MTUS1: variants seen among roughly 807,000 people sequenced by gnomAD.
MTUS1 encodes microtubule associated scaffold protein 1.
In MTUS1, 109 loss-of-function variants were observed where a neutral mutation model predicts 120.8. The observed-to-expected ratio is 0.90, with a 90% CI of 0.77 to 1.06. MTUS1 has a LOEUF of 1.06. Ranked by LOEUF, MTUS1 falls within the 50% of genes least tolerant of loss-of-function variation. MTUS1 has a pLI of 0.00. For synonymous variants in MTUS1, 737 were observed against 550.5 expected (o/e 1.34, Z -4.74); for missense variants, 2,210 against 1,486.3 (o/e 1.49, Z -8.01).
At chr8:17,733,760 T>C (rs1288606616) in intron 3 of MTUS1, among the ~76,000 whole-genome samples, 2 of 152,228 alleles carry the variant, frequency 1.3e-5, no homozygotes, top group East Asian at 3.9e-4. Context: ...CCATCATTAC[T>C]GACTTTGACC....
chr8:17,655,874 A>G lies in MTUS1; in HGVS notation c.3097T>C (p.Leu1033=), dbSNP rs1808102400. 3 of 1,614,214 alleles carry G rather than the reference A, an allele frequency of 1.9e-6. No individual in the cohort carries two copies. Among genetic ancestry groups the G allele is most frequent in the East Asian group, 2.2e-5 (1 of 44,884 alleles). Residue 1033 remains leucine (L), a synonymous_variant, in exon 9 of 15, where the codon TTG becomes CTG. Coordinates refer to ENST00000693296, the MANE Select transcript of MTUS1 (RefSeq NM_001363059.2). ...IEEAEKYKMQ[L]QEQFDNLNAA... The stretch of plus-strand genomic sequence containing the variant: ...GCAAAAGCACAGACCTGCTCTTGCA[A>G]TTGCATTTTGTACTTCTCTGCTTCT...
chr8:17,674,958 GA>G, intron 8 of MTUS1: 1 of 1,278,722 alleles, frequency 7.8e-7, no homozygotes, highest in South Asian at 3.2e-5. Flanking sequence ...TTGCTCATCA[GA>G]AGTTCTGCTA....
rs562813811 is a variant in MTUS1, at chr8:17,724,644, C to T, written c.2288-811G>A. On this transcript the variant is annotated intron_variant, in intron 3 of 14. Transcript: ENST00000693296. The stretch of plus-strand genomic sequence containing the variant: ...ATACAGGCTGCGTATCCTCTGGCAT[C>T]TCTGAAACTACATTCTCCTGATGCT... Among the ~76,000 whole-genome samples the T allele has an allele frequency of 1.1e-4, 16 of 152,292 alleles. 1 individual carries two copies. In the South Asian group the frequency reaches 3.3e-3, roughly 32 times the overall value.
intron 3 of MTUS1, among the ~76,000 whole-genome samples, chr8:17,725,838 ATTC>A (rs1325877051): frequency 2.0e-5 from 3 of 152,118 alleles, no homozygotes; most frequent in Non-Finnish European, 2.9e-5. Flanking sequence ...GCCCAAGACA[ATTC>A]TTCTTCTTCC....
intron 6 of MTUS1, among the ~76,000 whole-genome samples, chr8:17,712,796 G>C (rs936979057): frequency 2.1e-4 from 2 of 9,720 alleles, no homozygotes; most frequent in African/African-American, 5.3e-4. Context: ...GCTATCTTGG[G>C]AATGTTAAGT....
At chr8:17,663,247 A>C (rs1265044844) in intron 8 of MTUS1, among the ~76,000 whole-genome samples, 1 of 152,178 alleles carries the variant, frequency 6.6e-6, no homozygotes, top group Non-Finnish European at 1.5e-5. Context: ...ATTAGTCCTC[A>C]TGGCTTTTTC....
At chr8:17,791,751 T>G (rs1450144588) in intron 1 of MTUS1, among the ~76,000 whole-genome samples, 2 of 152,134 alleles carry the variant, frequency 1.3e-5, no homozygotes, top group African/African-American at 4.8e-5. Flanking sequence ...AGCCTAGAAT[T>G]TAACTCCCAA....
chr8:17,675,939 G>C (rs771675678), intron 7 of MTUS1: 1 of 222,788 alleles, frequency 4.5e-6, no homozygotes, highest in African/African-American at 2.3e-5. Flanking sequence ...GAAGAATAAT[G>C]TTCAAGTTAC....
rs2130226519 is a variant in MTUS1, at chr8:17,654,667, C to G, written c.3109-1G>C. On this transcript the variant is annotated splice_acceptor_variant, in intron 9 of 14. Transcript: ENST00000693296. LOFTEE classifies it high-confidence loss of function. ...CATGCGCAGCATTTAAGTTGTCAAA[C>G]TGTAAGCAACAAACAAAACCGTGGT... 1 of 1,609,984 alleles carries G rather than the reference C, an allele frequency of 6.2e-7. No homozygotes were observed. The highest frequency in any genetic ancestry group is 1.3e-5 in the African/African-American group (1 of 74,972).
chr8:17,764,523 T>C (rs1334231271), intron 1 of MTUS1, among the ~76,000 whole-genome samples: 1 of 152,228 alleles, frequency 6.6e-6, no homozygotes, highest in Non-Finnish European at 1.5e-5. Context: ...CTGTTTCATC[T>C]TTATATCTTC....
chr8:17,680,613 T>C (rs1220064199), intron 7 of MTUS1, among the ~76,000 whole-genome samples: 1 of 152,102 alleles, frequency 6.6e-6, no homozygotes, highest in African/African-American at 2.4e-5. Context: ...ACTAGGAGCT[T>C]GCCATGTTTG....
intron 8 of MTUS1, among the ~76,000 whole-genome samples, chr8:17,670,744 A>T (rs1347558416): frequency 6.6e-6 from 1 of 151,916 alleles, no homozygotes; most frequent in African/African-American, 2.4e-5. Flanking sequence ...AACTGCTTGA[A>T]CCCGGAAGGC....
intron 3 of MTUS1, among the ~76,000 whole-genome samples, chr8:17,733,232 T>C (rs1054354050): frequency 5.9e-5 from 9 of 151,918 alleles, no homozygotes; most frequent in Non-Finnish European, 1.2e-4. Context: ...GCACCTACAA[T>C]CTCAGCTACT....
At chr8:17,730,193 G>C (rs993101828) in intron 3 of MTUS1, among the ~76,000 whole-genome samples, 1 of 152,118 alleles carries the variant, frequency 6.6e-6, no homozygotes, top group African/African-American at 2.4e-5. Context: ...AGATGTGAAA[G>C]CAGGCCGGGG....
chr8:17,767,522 C>A (rs1486895034), intron 1 of MTUS1, among the ~76,000 whole-genome samples: 2 of 138,396 alleles, frequency 1.4e-5, no homozygotes, highest in African/African-American at 5.2e-5. Context: ...CACAGCAAAA[C>A]CCCATCTCTT....
At chr8:17,701,947 T>C (rs1262083601) in intron 6 of MTUS1, among the ~76,000 whole-genome samples, 1 of 152,238 alleles carries the variant, frequency 6.6e-6, no homozygotes, top group African/African-American at 2.4e-5. Context: ...AACTTAAAAA[T>C]TTCACACTTA....
At chr8:17,688,985 G>T (rs1816406195) in intron 6 of MTUS1, among the ~76,000 whole-genome samples, 1 of 152,130 alleles carries the variant, frequency 6.6e-6, no homozygotes, top group African/African-American at 2.4e-5. Context: ...GCCAAGGCGG[G>T]CAGATCACAA....
At chr8:17,724,234 A>G in intron 3 of MTUS1, 1 of 372,938 alleles carries the variant, frequency 2.7e-6, no homozygotes, top group Non-Finnish European at 5.2e-6. Context: ...ATCCATTAGG[A>G]CAATAGGCTA....
intron 3 of MTUS1, among the ~76,000 whole-genome samples, chr8:17,736,821 G>T (rs1415778893): frequency 6.6e-6 from 1 of 152,164 alleles, no homozygotes; most frequent in African/African-American, 2.4e-5. Flanking sequence ...CTGACCTCAA[G>T]TGATCCATCT....
Sources: allele counts gnomAD v4.1 joint callset (sites outside exome capture counted in the v4.1 genomes callset), GRCh38; gene constraint gnomAD v4.1.1; transcripts MANE v1.5; gene names NCBI Gene and HGNC (gene_info 2026-07-23, HGNC 2026-07-21).